The following TMC5 variants were observed in gnomAD, a reference collection of about 807,000 sequenced individuals.
TMC5 encodes transmembrane channel like 5.
In TMC5, 86 loss-of-function variants were observed where a neutral mutation model predicts 110.5. That is an observed-to-expected ratio of 0.78 (90% CI 0.65 to 0.93). TMC5 has a LOEUF of 0.93. TMC5 is among the 40% of genes least tolerant of loss of function. The probability of loss-of-function intolerance (pLI) is 0.00; values close to 1 mark genes in which losing one functional copy is unlikely to be tolerated. For missense variants in TMC5, 1,144 were observed against 1,222.8 expected, an observed-to-expected ratio of 0.94 and a Z score of 0.96; for synonymous variants, 455 against 439.5, an observed-to-expected ratio of 1.04 and a Z score of -0.44.
chr16:19,477,470 C>T lies in TMC5; in HGVS notation c.2121C>T (p.Gly707=), dbSNP rs1212899022. 1.2e-6 allele frequency: 2 copies of T among 1,612,724 alleles called. No individual in the cohort carries two copies. The highest frequency in any genetic ancestry group is 4.5e-5 in the East Asian group (2 of 44,830). ...TCTTTTTGAAAATATCAATCATTGG[C>T]ATTCTTTGTTACTATTGGCTCAACA... ...RNIFLKISII[G]ILCYYWLNTV... The change falls in exon 13 of 22, where the codon GGC becomes GGT. Residue 707 remains glycine, a synonymous_variant. Coordinates refer to ENST00000542583, the MANE Select transcript of TMC5 (RefSeq NM_001261841.2).
At chr16:19,472,721 AG>A (rs1432594213) in intron 11 of TMC5, among the ~76,000 whole-genome samples, 1 of 152,068 alleles carries the variant, frequency 6.6e-6, no homozygotes, top group East Asian at 1.9e-4. Flanking sequence ...GATGGAGAAA[AG>A]GGGCTCAGAG....
chr16:19,445,211 T>C (rs1217270186), intron 4 of TMC5, among the ~76,000 whole-genome samples: 9 of 151,590 alleles, frequency 5.9e-5, no homozygotes, highest in African/African-American at 2.2e-4. Context: ...TAATTTGTTG[T>C]GTGTATAGAT....
chr16:19,485,429 C>A (rs906259679), intron 15 of TMC5, among the ~76,000 whole-genome samples: 1 of 152,096 alleles, frequency 6.6e-6, no homozygotes, highest in Admixed American at 6.6e-5. Flanking sequence ...CCCTAGATGT[C>A]AAAACGTCAG....
chr16:19,440,966 T>G, intron 3 of TMC5, 140 bp downstream of exon 3: 64 of 776,000 alleles, frequency 8.2e-5, no homozygotes, highest in Non-Finnish European at 1.3e-4. Flanking sequence ...GAAATGCGCA[T>G]ACCTATCTGT....
chr16:19,466,874 G>A (rs779488533), intron 9 of TMC5, among the ~76,000 whole-genome samples: 35 of 152,198 alleles, frequency 2.3e-4, no homozygotes, highest in Non-Finnish European at 4.6e-4. Flanking sequence ...GGCTGGGCAC[G>A]GTGCTCATGC....
chr16:19,466,097 A>G lies in TMC5; in HGVS notation c.1501A>G (p.Thr501Ala). Residue 501 changes from threonine (T) to alanine (A), a missense_variant, in exon 9 of 22, where the codon ACA (threonine) becomes GCA (alanine). By Grantham distance (58) the Thr-to-Ala change is moderately conservative (BLOSUM62 0). Transcript: ENST00000542583. ...FFTGVGYFRD[T>A]VMYYGFYTNS... ...TACCTTTCAGGGTTATTTTAGGGACACAGTGATGTACTATGGCTTTTACAC... is the reference window on the plus strand; with the variant it reads ...TACCTTTCAGGGTTATTTTAGGGACGCAGTGATGTACTATGGCTTTTACAC... 1 of 1,613,906 alleles carries G rather than the reference A, an allele frequency of 6.2e-7. No individual in the cohort carries two copies. The highest frequency in any genetic ancestry group is 8.5e-7 in the Non-Finnish European group (1 of 1,179,898).
chr16:19,431,736 C>T (rs751053625), intron 2 of TMC5, among the ~76,000 whole-genome samples: 15 of 152,054 alleles, frequency 9.9e-5, no homozygotes, highest in Non-Finnish European at 1.8e-4. Flanking sequence ...AACCTTTGGA[C>T]AATTCACAGG....
At chr16:19,468,691 C>A (rs1040963223) in intron 9 of TMC5, among the ~76,000 whole-genome samples, 1 of 152,124 alleles carries the variant, frequency 6.6e-6, no homozygotes, top group African/African-American at 2.4e-5. Flanking sequence ...ACCCTGCTGG[C>A]TTTGAAGTTG....
rs377463683 is a variant in TMC5 at position 19,490,516 on chromosome 16, C to T, written c.2695C>T (p.Arg899Trp). 4.2e-5 allele frequency: 68 copies of T among 1,613,934 alleles called. No homozygotes were observed. The East Asian group carries it at 4.9e-4, about 12-fold the overall frequency. The change falls in exon 18 of 22, where the codon CGG (arginine) becomes TGG (tryptophan). Residue 899 changes from arginine (R) to tryptophan (W), a missense_variant. Coordinates refer to ENST00000542583, the MANE Select transcript of TMC5 (RefSeq NM_001261841.2). ...CTACCTGTGGGTTGTTTGGATCTAT[C>T]GGAACCTCATTGGAAGTGTGCACTT... Reference protein sequence around the residue: ...PGYLWVVWIYRNLIGSVHFFF... With the variant: ...PGYLWVVWIYWNLIGSVHFFF...
Position 19,474,174 on chromosome 16 carries a change from T to C in TMC5, c.1988T>C (p.Val663Ala), listed in dbSNP as rs1968424017. 1.2e-6 allele frequency: 2 copies of C among 1,613,892 alleles called. No individual in the cohort carries two copies. The highest frequency in any genetic ancestry group is 1.3e-5 in the African/African-American group (1 of 74,878). ...GGGGCGGTGCTGTTACTGCCTTTCG[T>C]TGTGTCCTGCATTAATCTGGCCGTG... ...NPGAVLLLPF[V>A]VSCINLAVPC... The change falls in exon 12 of 22, where the codon GTT becomes GCT. Residue 663 changes from valine (V) to alanine (A), a missense_variant. Physicochemically the swap from Val to Ala is moderately conservative, Grantham distance 64. Coordinates refer to ENST00000542583, the MANE Select transcript of TMC5 (RefSeq NM_001261841.2).
chr16:19,483,124 G>A (rs1054307245), intron 15 of TMC5, among the ~76,000 whole-genome samples: 5 of 152,052 alleles, frequency 3.3e-5, no homozygotes, highest in African/African-American at 9.7e-5. Flanking sequence ...GCCTCCCAAA[G>A]TGCTGGGATT....
chr16:19,437,662 T>G (rs1967377976), intron 2 of TMC5, among the ~76,000 whole-genome samples: 1 of 152,228 alleles, frequency 6.6e-6, no homozygotes, highest in Non-Finnish European at 1.5e-5. Context: ...GCCGTTCATC[T>G]CATCATGCTG....
At chr16:19,475,860 G>C (rs554974332) in intron 12 of TMC5, among the ~76,000 whole-genome samples, 1 of 146,318 alleles carries the variant, frequency 6.8e-6, no homozygotes, top group African/African-American at 2.5e-5. Context: ...GCTGGAGTGC[G>C]GTGGCATGAT....
chr16:19,497,230 G>C (rs1597225669), intron 21 of TMC5, 67 bp downstream of exon 21: 2 of 1,508,296 alleles, frequency 1.3e-6, no homozygotes, highest in East Asian at 2.3e-5. Flanking sequence ...TAAGACAAGT[G>C]TAAGAATTGC....
intron 9 of TMC5, among the ~76,000 whole-genome samples, chr16:19,468,015 C>T (rs1443983847): frequency 6.6e-6 from 1 of 152,004 alleles, no homozygotes; most frequent in African/African-American, 2.4e-5. Context: ...TGCTCTGTCA[C>T]CCAGGCTGGA....
chr16:19,493,697 G>C (rs1198550819), intron 19 of TMC5, among the ~76,000 whole-genome samples: 2 of 152,152 alleles, frequency 1.3e-5, no homozygotes, highest in Non-Finnish European at 2.9e-5. Flanking sequence ...CTGACCTCAA[G>C]TGATCCACCT....
chr16:19,467,782 T>C (rs919523880), intron 9 of TMC5, among the ~76,000 whole-genome samples: 2 of 151,768 alleles, frequency 1.3e-5, no homozygotes, highest in East Asian at 3.9e-4. Context: ...GCGCCCGGCC[T>C]GTAATTACCA....
intron 9 of TMC5, among the ~76,000 whole-genome samples, chr16:19,469,053 G>A (rs1968257775): frequency 6.6e-6 from 1 of 152,112 alleles, no homozygotes; most frequent in Non-Finnish European, 1.5e-5. Flanking sequence ...CTCTAGAAGG[G>A]TAAAAGAACA....
At chr16:19,462,299 A>G (rs1328230009) in intron 6 of TMC5, among the ~76,000 whole-genome samples, 1 of 152,030 alleles carries the variant, frequency 6.6e-6, no homozygotes, top group African/African-American at 2.4e-5. Flanking sequence ...TCTGATCTCT[A>G]TGTACTTGAT....
Sources: gnomAD v4.1 joint callset for allele counts (sites outside exome capture counted in the v4.1 genomes callset) on GRCh38, gnomAD v4.1.1 for gene constraint, MANE v1.5 for transcripts, NCBI Gene and HGNC (gene_info 2026-07-23, HGNC 2026-07-21) for gene names.